Variants in SLC44A1 observed in about 807,000 individuals in gnomAD.
The protein encoded by SLC44A1 is choline transporter-like protein 1.
SLC44A1 carries 26 observed loss-of-function variants against 79.3 expected under a neutral mutation model. The ratio of observed to expected loss-of-function variants is 0.33; its 90% CI spans 0.24 to 0.46. SLC44A1 has a LOEUF of 0.46. Among genes scored for constraint, SLC44A1 ranks in the 20% least tolerant of loss-of-function variants. SLC44A1 has a pLI of 1.00. For synonymous variants in SLC44A1, 263 were observed against 286.2 expected, an observed-to-expected ratio of 0.92 and a Z score of 0.82; for missense variants, 688 against 798.1, an observed-to-expected ratio of 0.86 and a Z score of 1.66.
At chr9:105,387,038 CA>C (rs1554688948) in intron 15 of SLC44A1, among the ~76,000 whole-genome samples, 35 of 21,810 alleles carry the variant, frequency 1.6e-3, no homozygotes, top group African/African-American at 5.0e-3. Flanking sequence ...GACTCCATCT[CA>C]AAAAAAAAAA....
intron 1 of SLC44A1, among the ~76,000 whole-genome samples, chr9:105,288,208 A>C (rs574351385): frequency 1.3e-3 from 195 of 152,298 alleles, no homozygotes; most frequent in African/African-American, 4.6e-3. Flanking sequence ...ATATGTTACT[A>C]TACAGTCTTC....
intron 9 of SLC44A1, among the ~76,000 whole-genome samples, chr9:105,364,098 G>T (rs141048318): frequency 1.4e-3 from 206 of 152,262 alleles, no homozygotes; most frequent in African/African-American, 4.8e-3. Flanking sequence ...AAGCTTAAAT[G>T]GAACTAATTG....
At chr9:105,323,329 G>A (rs944926971) in intron 3 of SLC44A1, among the ~76,000 whole-genome samples, 1 of 151,938 alleles carries the variant, frequency 6.6e-6, no homozygotes, top group Non-Finnish European at 1.5e-5. Flanking sequence ...AACATTTAGA[G>A]TTTTTCTATG....
chr9:105,379,497 G>C (rs1346352812), intron 13 of SLC44A1, among the ~76,000 whole-genome samples: 3 of 152,086 alleles, frequency 2.0e-5, no homozygotes, highest in Admixed American at 2.0e-4. Context: ...TGGGTAAAGG[G>C]TACGTGGAAC....
At chr9:105,280,653 C>A (rs972373242) in intron 1 of SLC44A1, among the ~76,000 whole-genome samples, 9 of 152,068 alleles carry the variant, frequency 5.9e-5, no homozygotes, top group Non-Finnish European at 1.3e-4. Flanking sequence ...GAGACAAGGT[C>A]TAAAGTCAAG....
intron 15 of SLC44A1, among the ~76,000 whole-genome samples, chr9:105,404,276 A>G (rs892016227): frequency 6.6e-6 from 1 of 151,176 alleles, no homozygotes; most frequent in Non-Finnish European, 1.5e-5. Flanking sequence ...AAAGGGATAT[A>G]TTTAAAAGCT....
chr9:105,311,284 T>C (rs1340340161), intron 3 of SLC44A1, among the ~76,000 whole-genome samples: 1 of 152,196 alleles, frequency 6.6e-6, no homozygotes, highest in East Asian at 1.9e-4. Flanking sequence ...GCATCTACTC[T>C]GTAAAATATT....
At chr9:105,255,270 G>C (rs79085380) in intron 1 of SLC44A1, among the ~76,000 whole-genome samples, 2,357 of 152,010 alleles carry the variant, frequency 0.016, 63 homozygotes, top group African/African-American at 0.053. Flanking sequence ...CCAAATTAAA[G>C]CATAGAGGCA....
chr9:105,390,179 G>A lies in SLC44A1; in HGVS notation c.*1123G>A. The stretch of plus-strand genomic sequence containing the variant: ...GACTGTTGTTTTTGTTTGGGGGTGG[G>A]TTTGGGGTTTTTTGCTTTTTTATTC... On this transcript the variant is annotated 3_prime_UTR_variant, in exon 16 of 16. Coordinates refer to ENST00000374720, the MANE Select transcript of SLC44A1 (RefSeq NM_080546.5). 8.4e-7 allele frequency: 1 copy of A among 1,187,324 alleles called. No individual in the cohort carries two copies. The highest frequency in any genetic ancestry group is 1.0e-6 in the Non-Finnish European group (1 of 958,098). 73.5% of individuals were successfully genotyped at this position (1,187,324 alleles called of 1,614,324 possible).
In SLC44A1 at chr9:105,361,319, A is replaced by G. The variant is rs553888171; in HGVS notation, c.889A>G (p.Thr297Ala). 5.0e-6 allele frequency: 8 copies of G among 1,603,086 alleles called. No individual in the cohort carries two copies. In the African/African-American group the frequency reaches 1.1e-4, roughly 22 times the overall value. The change falls in exon 8 of 16, where the codon ACA (threonine) becomes GCA (alanine). Residue 297 changes from threonine (T) to alanine (A), a missense_variant. Transcript: ENST00000374720. ...RALLIYAISATVFTVILFLIM... is the reference protein window; with the variant it reads ...RALLIYAISAAVFTVILFLIM... Reference sequence around the variant, plus strand: ...CCTCCTCATTTATGCCATTTCAGCTACAGTGTTCACAGTGAGTTTAGGCTT... The same window carrying G: ...CCTCCTCATTTATGCCATTTCAGCTGCAGTGTTCACAGTGAGTTTAGGCTT...
intron 1 of SLC44A1, among the ~76,000 whole-genome samples, chr9:105,261,340 A>C (rs994514100): frequency 6.6e-6 from 1 of 152,108 alleles, no homozygotes; most frequent in African/African-American, 2.4e-5. Context: ...ATTTCCCTGC[A>C]ACACACCTCT....
At chr9:105,257,145 G>A (rs943826337) in intron 1 of SLC44A1, among the ~76,000 whole-genome samples, 1 of 150,846 alleles carries the variant, frequency 6.6e-6, no homozygotes, top group Non-Finnish European at 1.5e-5. Flanking sequence ...TGCCCATACT[G>A]GAGTACAGTG....
chr9:105,419,744 A>G (rs943062875), intron 15 of SLC44A1, among the ~76,000 whole-genome samples: 1 of 151,778 alleles, frequency 6.6e-6, no homozygotes, highest in Non-Finnish European at 1.5e-5. Context: ...ATGAAACCTC[A>G]TCTCTACTAA....
In SLC44A1 at chr9:105,396,363, G is replaced by A. The variant is rs1403864128; in HGVS notation, c.*7307G>A. ...AAAAGGCAGGGAGAAAAGTGTGAAG[G>A]GCATCAAGCAAAATGACAGGGGCTT... On this transcript the variant is annotated 3_prime_UTR_variant, in exon 16 of 16. Transcript: ENST00000374720. The A allele has an allele frequency of 1.0e-6, 1 of 985,206 alleles. No homozygotes were observed. The highest frequency in any genetic ancestry group is 1.2e-6 in the Non-Finnish European group (1 of 829,936). 61.0% of individuals were successfully genotyped at this position (985,206 alleles called of 1,614,324 possible). A position where few individuals can be genotyped will look rare whatever the true frequency, so the allele number is the denominator to read the frequency against.
At chr9:105,295,633 T>C (rs992666994) in intron 1 of SLC44A1, among the ~76,000 whole-genome samples, 9 of 152,236 alleles carry the variant, frequency 5.9e-5, no homozygotes, top group African/African-American at 2.2e-4. Context: ...TTTAAAATTA[T>C]TGAGTTGGCT....
At chr9:105,286,049 C>T (rs1421151286) in intron 1 of SLC44A1, among the ~76,000 whole-genome samples, 8 of 152,038 alleles carry the variant, frequency 5.3e-5, no homozygotes, top group African/African-American at 1.2e-4. Context: ...TGCGGTGAGC[C>T]GAGATTGCGC....
intron 12 of SLC44A1, among the ~76,000 whole-genome samples, chr9:105,374,245 T>C (rs1189976418): frequency 6.6e-6 from 1 of 152,178 alleles, no homozygotes; most frequent in Non-Finnish European, 1.5e-5. Flanking sequence ...ATGATTACAG[T>C]GCACTGCTGA....
intron 15 of SLC44A1, among the ~76,000 whole-genome samples, chr9:105,414,804 C>T (rs1829145851): frequency 6.6e-6 from 1 of 151,514 alleles, no homozygotes; most frequent in African/African-American, 2.4e-5. Context: ...CGAGACCCTG[C>T]TAGAACAAAA....
intron 2 of SLC44A1, among the ~76,000 whole-genome samples, chr9:105,305,701 A>G (rs1831010198): frequency 1.3e-5 from 2 of 152,240 alleles, no homozygotes; most frequent in East Asian, 3.9e-4. Flanking sequence ...TGCCATACTC[A>G]TACACCATCT....
Sources: gnomAD v4.1 joint callset for allele counts (sites outside exome capture counted in the v4.1 genomes callset) on GRCh38, gnomAD v4.1.1 for gene constraint, MANE v1.5 for transcripts, NCBI Gene and HGNC (gene_info 2026-07-23, HGNC 2026-07-21) for gene names.